Variants in TMEM11 observed in about 807,000 individuals in gnomAD.
TMEM11 encodes the protein transmembrane protein 11, mitochondrial.
Under a neutral mutation model 17.0 loss-of-function variants are expected in TMEM11, and 1 was observed. The observed-to-expected ratio is 0.06, with a 90% CI of 0.02 to 0.28. The LOEUF is 0.28. Ranked by LOEUF, TMEM11 falls within the 10% of genes least tolerant of loss-of-function variation. TMEM11 has a pLI of 1.00. For synonymous variants in TMEM11, 122 were observed against 118.1 expected, an observed-to-expected ratio of 1.03 and a Z score of -0.21; for missense variants, 172 against 252.9, an observed-to-expected ratio of 0.68 and a Z score of 2.17.
intron 1 of TMEM11, among the ~76,000 whole-genome samples, chr17:21,205,977 C>A (rs1027860221): frequency 2.6e-5 from 4 of 152,014 alleles, no homozygotes; most frequent in African/African-American, 9.7e-5. Flanking sequence ...CGGTTTCCAC[C>A]ACTGGCTATT....
At chr17:21,206,727 AG>A (rs1321010815) in intron 1 of TMEM11, among the ~76,000 whole-genome samples, 1 of 151,492 alleles carries the variant, frequency 6.6e-6, no homozygotes, top group Non-Finnish European at 1.5e-5. Flanking sequence ...GTAGAGACAG[AG>A]TTTCTCTATG....
At chr17:21,210,990 C>T in intron 1 of TMEM11, 4 of 1,289,730 alleles carry the variant, frequency 3.1e-6, no homozygotes, top group Non-Finnish European at 4.0e-6. Flanking sequence ...GACAGTGAAG[C>T]CGAGCAGCCC....
rs1422939727 is a variant in TMEM11 at position 21,214,129 on chromosome 17, A to C, written c.24T>G (p.Arg8=). ...TGCCGCCACTGCTGCCCGGGCCAAG[A>C]CGCCTCCTTCCCCAAGCGGCCATCT... MAAWGRR[R]LGPGSSGGSA... The change falls in exon 1 of 2, where the codon CGT becomes CGG. Residue 8 remains arginine, a synonymous_variant. Coordinates refer to ENST00000317635, the MANE Select transcript of TMEM11 (RefSeq NM_003876.3). 1 of 1,611,992 alleles carries C rather than the reference A, an allele frequency of 6.2e-7. No individual in the cohort carries two copies. The highest frequency in any genetic ancestry group is 8.5e-7 in the Non-Finnish European group (1 of 1,179,592).
chr17:21,208,736 G>A (rs1242850221), intron 1 of TMEM11, among the ~76,000 whole-genome samples: 2 of 152,234 alleles, frequency 1.3e-5, no homozygotes, highest in East Asian at 3.8e-4. Context: ...CATGAGGGCA[G>A]AGGCTGCATT....
chr17:21,204,260 C>A (rs552646081), intron 1 of TMEM11, among the ~76,000 whole-genome samples: 4 of 151,252 alleles, frequency 2.6e-5, no homozygotes, highest in African/African-American at 7.3e-5. Context: ...ACGGTGAAAC[C>A]CTGTCTCTGC....
chr17:21,211,762 T>G (rs1975005534), intron 1 of TMEM11, among the ~76,000 whole-genome samples: 1 of 152,182 alleles, frequency 6.6e-6, no homozygotes, highest in African/African-American at 2.4e-5. Context: ...AGATAATGTT[T>G]CCCTCAGCTT....
intron 1 of TMEM11, among the ~76,000 whole-genome samples, chr17:21,201,999 T>G (rs1451049487): frequency 6.6e-6 from 1 of 152,168 alleles, no homozygotes; most frequent in Non-Finnish European, 1.5e-5. Context: ...TCACTGGCGC[T>G]GGAAAGCTGA....
intron 1 of TMEM11, among the ~76,000 whole-genome samples, chr17:21,202,933 C>G (rs1041237328): frequency 6.6e-6 from 1 of 152,250 alleles, no homozygotes; most frequent in Admixed American, 6.5e-5. Flanking sequence ...CCTGCAGCCT[C>G]GGCGTCTTCA....
chr17:21,213,972 AG>A, intron 1 of TMEM11, 118 bp downstream of exon 1: 1 of 977,992 alleles, frequency 1.0e-6, no homozygotes, highest in Non-Finnish European at 1.5e-6. Context: ...ATGCCCGGCG[AG>A]GGTAGGGGGA....
Position 21,213,998 on chromosome 17 carries a change from G to C in TMEM11, c.62+93C>G, listed in dbSNP as rs965566678. ...GGGTAGGGGGAGCGCGGGGAAACCA[G>C]GGAAGGAAGGCTGCTGCAGCCCTCG... On this transcript the variant is annotated intron_variant, in intron 1 of 1. Coordinates refer to ENST00000317635, the MANE Select transcript of TMEM11 (RefSeq NM_003876.3). 8.1e-6 allele frequency: 10 copies of C among 1,235,342 alleles called. No individual in the cohort carries two copies. The Admixed American group carries it at 1.6e-4, about 20-fold the overall frequency. 76.5% of individuals were successfully genotyped at this position (1,235,342 alleles called of 1,614,324 possible).
At chr17:21,201,143 G>A (rs910728912) in intron 1 of TMEM11, among the ~76,000 whole-genome samples, 4 of 152,194 alleles carry the variant, frequency 2.6e-5, no homozygotes, top group Admixed American at 6.5e-5. Flanking sequence ...ACTAGTTAAC[G>A]ATCTCATGTG....
At position 21,214,104 on chromosome 17, in the gene TMEM11, T is replaced by C; in HGVS notation, c.49A>G (p.Ser17Gly). ...CTTGGATCTCACCTCTCTCGGGCGC[T>C]GCCGCCACTGCTGCCCGGGCCAAGA... is the stretch of plus-strand genomic sequence containing the variant. ...RRLGPGSSGG[S>G]ARERVSLSAT... Residue 17 changes from serine to glycine, a missense_variant, in exon 1 of 2, where the codon AGC becomes GGC. Ser to Gly is a moderately conservative substitution (Grantham distance 56, BLOSUM62 0). Transcript: ENST00000317635. 1.2e-6 allele frequency: 2 copies of C among 1,610,942 alleles called. No homozygotes were observed. The highest frequency in any genetic ancestry group is 1.7e-6 in the Non-Finnish European group (2 of 1,179,424).
Position 21,213,984 on chromosome 17 carries a change from G to A in TMEM11, c.62+107C>T. ...AGTATGCCCGGCGAGGGTAGGGGGA[G>A]CGCGGGGAAACCAGGGAAGGAAGGC... is the stretch of plus-strand genomic sequence containing the variant. On this transcript the variant is annotated intron_variant, in intron 1 of 1. Transcript: ENST00000317635. 4.6e-6 allele frequency: 5 copies of A among 1,094,430 alleles called. No homozygotes were observed. The South Asian group carries it at 6.1e-5, about 13-fold the overall frequency. The allele number at this position is 1,094,430 out of a possible 1,614,324, so 67.8% of individuals were successfully genotyped here. A position where few individuals can be genotyped will look rare whatever the true frequency, so the allele number is the denominator to read the frequency against.
Position 21,208,053 on chromosome 17 carries a change from C to G in TMEM11, c.62+6038G>C, listed in dbSNP as rs74606239. Among the ~76,000 whole-genome samples the G allele has an allele frequency of 9.9e-3, 1,478 of 149,064 alleles. 29 individuals carry two copies. The highest frequency in any genetic ancestry group is 0.035 in the African/African-American group (1,422 of 40,574). On this transcript the variant is annotated intron_variant, in intron 1 of 1. Transcript: ENST00000317635. ...TGTCGCCCAGGCTCAAGTGCAGTGG[C>G]GTGATCTTGGCTCACTGCAAGCTCC...
intron 1 of TMEM11, among the ~76,000 whole-genome samples, chr17:21,199,148 GT>G (rs1974853820): frequency 1.4e-5 from 1 of 73,354 alleles, no homozygotes; most frequent in Admixed American, 1.4e-4. Flanking sequence ...GTGAAACCCT[GT>G]CTCTACTAAA....
chr17:21,214,015 C>A, intron 1 of TMEM11, 76 bp downstream of exon 1: 4 of 1,386,128 alleles, frequency 2.9e-6, no homozygotes, highest in Non-Finnish European at 4.0e-6. Context: ...AAGGCTGCTG[C>A]AGCCCTCGGA....
chr17:21,198,129 G>A lies in TMEM11; in HGVS notation c.*195C>T. 4.4e-6 allele frequency: 3 copies of A among 688,626 alleles called. No homozygotes were observed. In the South Asian group the frequency reaches 6.3e-5, roughly 15 times the overall value. 42.7% of individuals were successfully genotyped at this position (688,626 alleles called of 1,614,324 possible). ...CCACAGCCTCAGACCCCCCTCTTGG[G>A]TTATGGAAATCCACATCTTAGTGTA... On this transcript the variant is annotated 3_prime_UTR_variant, in exon 2 of 2. Coordinates refer to ENST00000317635, the MANE Select transcript of TMEM11 (RefSeq NM_003876.3). This position sits in a 1 kb window ranked among gnomAD's most constrained non-coding sequence, Gnocchi z 6.5.
chr17:21,206,177 G>A (rs772180558), intron 1 of TMEM11, among the ~76,000 whole-genome samples: 34 of 152,160 alleles, frequency 2.2e-4, no homozygotes, highest in African/African-American at 6.5e-4. Flanking sequence ...CACCAGCAGC[G>A]CACAGGGGTT....
intron 1 of TMEM11, among the ~76,000 whole-genome samples, chr17:21,203,694 G>A (rs200193979): frequency 7.0e-6 from 1 of 143,650 alleles, no homozygotes; most frequent in Non-Finnish European, 1.5e-5. Flanking sequence ...ATGACAGAAA[G>A]AAAAAAAAGA....
Sources: allele counts gnomAD v4.1 joint callset (sites outside exome capture counted in the v4.1 genomes callset), GRCh38; gene constraint gnomAD v4.1.1; non-coding constraint Gnocchi (gnomAD v3.1); transcripts MANE v1.5; gene names NCBI Gene and HGNC (gene_info 2026-07-23, HGNC 2026-07-21).